Variants in TFDP2 observed in about 807,000 individuals in gnomAD.
TFDP2 encodes transcription factor Dp-2, also known as transcription factor Dp-2 (E2F dimerization partner 2).
A neutral mutation model predicts 59.3 loss-of-function variants in TFDP2; 17 were observed. That is an observed-to-expected ratio of 0.29 (90% CI 0.20 to 0.43). The LOEUF (loss-of-function observed/expected upper bound fraction) is 0.43. Among genes scored for constraint, TFDP2 ranks in the 20% least tolerant of loss-of-function variants. The pLI is 1.00. For synonymous variants in TFDP2, 180 were observed against 194.7 expected, an observed-to-expected ratio of 0.92 and a Z score of 0.63; for missense variants, 391 against 528.8, an observed-to-expected ratio of 0.74 and a Z score of 2.56.
intron 1 of TFDP2, among the ~76,000 whole-genome samples, chr3:142,114,511 A>T (rs1279702619): frequency 1.3e-5 from 2 of 152,144 alleles, no homozygotes; most frequent in Non-Finnish European, 2.9e-5. Context: ...TTCATGTACC[A>T]TATATTGAAA....
intron 4 of TFDP2, among the ~76,000 whole-genome samples, chr3:141,996,604 C>T (rs899105614): frequency 1.3e-5 from 2 of 152,196 alleles, no homozygotes; most frequent in African/African-American, 4.8e-5. Context: ...TGCTAACTTG[C>T]TCCATACATA....
chr3:142,052,537 T>C (rs1947689155), intron 3 of TFDP2, among the ~76,000 whole-genome samples: 1 of 151,702 alleles, frequency 6.6e-6, no homozygotes, highest in Non-Finnish European at 1.5e-5. Context: ...CGAGACTCTG[T>C]CTCAAAGAAA....
chr3:142,142,676 A>C (rs1201987745), intron 1 of TFDP2, among the ~76,000 whole-genome samples: 1 of 152,240 alleles, frequency 6.6e-6, no homozygotes, highest in Non-Finnish European at 1.5e-5. Context: ...ACAAAACTGG[A>C]GGAATCACAT....
In TFDP2 at chr3:141,964,781, T is replaced by C. The variant is rs113972943; in HGVS notation, c.733-818A>G. Among the ~76,000 whole-genome samples, 1,230 of 152,244 alleles carry C rather than the reference T, an allele frequency of 8.1e-3. 17 individuals carry two copies. Among genetic ancestry groups the C allele is most frequent in the African/African-American group, 0.028 (1,157 of 41,536 alleles). On this transcript the variant is annotated intron_variant, in intron 9 of 12. Transcript: ENST00000489671. ...ACAGCCACATGGTTTCTAAGGCACC[T>C]CCACAGAACTTCTCAGCAGCCTCTG... is the stretch of plus-strand genomic sequence containing the variant.
At position 142,038,530 on chromosome 3, in the gene TFDP2, C is replaced by A. The variant is rs1185081791; in HGVS notation, c.83-32986G>T. Among the ~76,000 whole-genome samples the A allele has an allele frequency of 4.0e-5, 6 of 151,640 alleles. No homozygotes were observed. In the East Asian group the frequency reaches 5.8e-4, roughly 15 times the overall value. On this transcript the variant is annotated intron_variant, in intron 3 of 12. Transcript: ENST00000489671. The stretch of plus-strand genomic sequence containing the variant: ...ACAAAGGTAATAATTTTAAGAAAAT[C>A]TTTGCTAATTGATAGAGGAAAAAGA...
chr3:142,109,080 T>C (rs2061565948), intron 1 of TFDP2, among the ~76,000 whole-genome samples: 1 of 152,238 alleles, frequency 6.6e-6, no homozygotes, highest in Admixed American at 6.5e-5. Flanking sequence ...GATTGTGGTC[T>C]GTCTCTGCCA....
intron 3 of TFDP2, among the ~76,000 whole-genome samples, chr3:142,066,713 G>C (rs1253216086): frequency 1.3e-5 from 2 of 151,866 alleles, no homozygotes; most frequent in African/African-American, 4.8e-5. Flanking sequence ...GTGACCCAGG[G>C]GACCCCAGAC....
At chr3:142,145,505 T>G (rs1187387387) in intron 1 of TFDP2, 1 of 152,170 alleles carries the variant, frequency 6.6e-6, no homozygotes, top group African/African-American at 2.4e-5. Context: ...GAGATTAGCA[T>G]GGCCCCTGTG....
chr3:142,080,463 G>C (rs1173617561), intron 3 of TFDP2, among the ~76,000 whole-genome samples: 1 of 152,038 alleles, frequency 6.6e-6, no homozygotes, highest in African/African-American at 2.4e-5. Context: ...AAAACAACCA[G>C]AATACAATAA....
Position 141,944,566 on chromosome 3 carries a change from A to T in TFDP2, c.*7947T>A, listed in dbSNP as rs1197419935. On this transcript the variant is annotated 3_prime_UTR_variant, in exon 13 of 13. Transcript: ENST00000489671. ...TTAATCTTATAGGATGGACAAAGAT[A>T]CACTTTAATGGACAAAAAACACCAG... is the stretch of plus-strand genomic sequence containing the variant. The T allele has an allele frequency of 6.6e-6, 1 of 152,238 alleles. No individual in the cohort carries two copies. The highest frequency in any genetic ancestry group is 6.5e-5 in the Admixed American group (1 of 15,284). 9.4% of individuals were successfully genotyped at this position (152,238 alleles called of 1,614,324 possible).
intron 2 of TFDP2, among the ~76,000 whole-genome samples, chr3:142,096,981 A>T (rs555806938): frequency 6.6e-6 from 1 of 152,354 alleles, no homozygotes; most frequent in South Asian, 2.1e-4. Context: ...TGTCATCCAA[A>T]TGGCAATGGC....
chr3:142,108,516 T>C (rs2061553091), intron 1 of TFDP2, among the ~76,000 whole-genome samples: 2 of 152,124 alleles, frequency 1.3e-5, no homozygotes, highest in African/African-American at 4.8e-5. Flanking sequence ...GGCCTGCAAT[T>C]TTCTTCTCAA....
intron 9 of TFDP2, among the ~76,000 whole-genome samples, chr3:141,968,275 T>C (rs918890753): frequency 5.6e-4 from 76 of 134,592 alleles, no homozygotes; most frequent in Non-Finnish European, 9.1e-4. Context: ...TAATTATATA[T>C]AATATATAAC....
At chr3:142,046,664 A>G (rs1468782745) in intron 3 of TFDP2, among the ~76,000 whole-genome samples, 3 of 152,172 alleles carry the variant, frequency 2.0e-5, no homozygotes, top group Non-Finnish European at 2.9e-5. Flanking sequence ...TGAAGTAGAG[A>G]AGGGTAGAAA....
intron 2 of TFDP2, chr3:142,094,051 T>C: frequency 2.5e-6 from 1 of 405,050 alleles, no homozygotes; most frequent in Non-Finnish European, 5.0e-6. Flanking sequence ...TCCACTACAC[T>C]ACTTGGCATC....
At chr3:142,005,207 C>T (rs998606860) in intron 4 of TFDP2, among the ~76,000 whole-genome samples, 1 of 152,128 alleles carries the variant, frequency 6.6e-6, no homozygotes, top group East Asian at 1.9e-4. Flanking sequence ...GCCACAGTGC[C>T]CAGCTGTTTT....
chr3:142,005,938 G>C (rs1944175239), intron 3 of TFDP2, among the ~76,000 whole-genome samples: 1 of 152,100 alleles, frequency 6.6e-6, no homozygotes, highest in Non-Finnish European at 1.5e-5. Flanking sequence ...TAATATACTT[G>C]ATGATGAAAC....
At chr3:142,055,444 A>G (rs929885132) in intron 3 of TFDP2, among the ~76,000 whole-genome samples, 2 of 152,192 alleles carry the variant, frequency 1.3e-5, no homozygotes, top group Non-Finnish European at 2.9e-5. Flanking sequence ...CTGCTAGGCA[A>G]GGTCACTTGT....
chr3:142,071,474 A>G (rs1199083963), intron 3 of TFDP2, among the ~76,000 whole-genome samples: 1 of 152,212 alleles, frequency 6.6e-6, no homozygotes, highest in Non-Finnish European at 1.5e-5. Context: ...GATCATTTAA[A>G]TTGTAGTTTG....
Sources: gnomAD v4.1 joint callset for allele counts (sites outside exome capture counted in the v4.1 genomes callset) on GRCh38, gnomAD v4.1.1 for gene constraint, MANE v1.5 for transcripts, NCBI Gene and HGNC (gene_info 2026-07-23, HGNC 2026-07-21) for gene names.